The following CNTN4 variants were observed in gnomAD, a reference collection of about 807,000 sequenced individuals.
CNTN4 encodes the protein contactin 4.
Under a neutral mutation model 122.5 loss-of-function variants are expected in CNTN4, and 77 were observed. That is an observed-to-expected ratio of 0.63 (90% CI 0.52 to 0.76). The LOEUF is 0.76. Ranked by LOEUF, CNTN4 falls within the 30% of genes least tolerant of loss-of-function variation. The probability of loss-of-function intolerance (pLI) is 0.00; values close to 1 mark genes in which losing one functional copy is unlikely to be tolerated. For synonymous variants in CNTN4, 512 were observed against 447.0 expected (o/e 1.15, Z -1.83); for missense variants, 1,256 against 1,259.1 (o/e 1.00, Z 0.04).
intron 2 of CNTN4, among the ~76,000 whole-genome samples, chr3:2,330,796 T>C (rs920978544): frequency 1.3e-5 from 2 of 152,184 alleles, no homozygotes; most frequent in Non-Finnish European, 2.9e-5. Flanking sequence ...ATAGCTGTTT[T>C]CTGTGACCTG....
Position 2,652,623 on chromosome 3 carries a change from A to G in CNTN4, c.55+81065A>G, listed in dbSNP as rs941327751. ...TGTTTCTAGGCACACAGGAATAACA[A>G]AGAAAACTCAGCAGGGGCCCAGAGC... On this transcript the variant is annotated intron_variant, in intron 4 of 24. Coordinates refer to ENST00000418658, the MANE Select transcript of CNTN4 (RefSeq NM_175607.3). Among the ~76,000 whole-genome samples, 4 of 152,100 alleles carry G rather than the reference A, an allele frequency of 2.6e-5. No individual in the cohort carries two copies. In the South Asian group the frequency reaches 8.3e-4, roughly 32 times the overall value.
chr3:2,512,409 A>T (rs1262688350), intron 3 of CNTN4, among the ~76,000 whole-genome samples: 8 of 152,204 alleles, frequency 5.3e-5, no homozygotes, highest in African/African-American at 1.9e-4. Context: ...CTTTTTATGT[A>T]TCCTCAAATG....
chr3:2,766,038 C>T (rs112833062), intron 6 of CNTN4, among the ~76,000 whole-genome samples: 42 of 152,232 alleles, frequency 2.8e-4, no homozygotes, highest in African/African-American at 9.9e-4. Context: ...TTTATGATGG[C>T]CCTTGAGAAG....
intron 3 of CNTN4, among the ~76,000 whole-genome samples, chr3:2,537,115 A>G (rs1384296399): frequency 1.3e-5 from 2 of 152,016 alleles, no homozygotes; most frequent in Non-Finnish European, 2.9e-5. Flanking sequence ...TTTTGGGGGG[A>G]ATATTGTGTT....
chr3:2,170,726 A>G (rs2036465717), intron 2 of CNTN4, among the ~76,000 whole-genome samples: 1 of 152,196 alleles, frequency 6.6e-6, no homozygotes, highest in South Asian at 2.1e-4. Context: ...AGACTTTACT[A>G]GATATAAATA....
chr3:2,604,403 G>T (rs2149773210), intron 4 of CNTN4, among the ~76,000 whole-genome samples: 1 of 152,220 alleles, frequency 6.6e-6, no homozygotes, highest in Non-Finnish European at 1.5e-5. Flanking sequence ...GCTAGGCTTT[G>T]GAGACGTTGC....
intron 2 of CNTN4, among the ~76,000 whole-genome samples, chr3:2,169,859 CAGAATT>C (rs776676704): frequency 1.3e-5 from 2 of 151,952 alleles, no homozygotes; most frequent in Non-Finnish European, 2.9e-5. Flanking sequence ...AAAATGAAAA[CAGAATT>C]AAGAATAAAT....
At chr3:2,704,102 G>A (rs1007336350) in intron 4 of CNTN4, among the ~76,000 whole-genome samples, 10 of 151,768 alleles carry the variant, frequency 6.6e-5, no homozygotes, top group Admixed American at 5.9e-4. Flanking sequence ...TTCAAGATCA[G>A]CCTGGGCAGC....
chr3:2,810,238 C>G (rs961163260), intron 6 of CNTN4, among the ~76,000 whole-genome samples: 1 of 152,066 alleles, frequency 6.6e-6, no homozygotes, highest in Non-Finnish European at 1.5e-5. Context: ...GTGGTGAAGA[C>G]CGAATGAATA....
At chr3:2,912,902 A>C (rs995253385) in intron 12 of CNTN4, among the ~76,000 whole-genome samples, 5 of 152,250 alleles carry the variant, frequency 3.3e-5, no homozygotes, top group Non-Finnish European at 7.3e-5. Context: ...CCGTAATCCC[A>C]GCACTTTGGG....
At chr3:2,704,421 T>A (rs1376956737) in intron 4 of CNTN4, among the ~76,000 whole-genome samples, 1 of 151,658 alleles carries the variant, frequency 6.6e-6, no homozygotes, top group Non-Finnish European at 1.5e-5. Context: ...AAGTACGATA[T>A]GGCTCTAAAA....
chr3:3,039,327 T>G (rs1699933842), intron 19 of CNTN4: 4 of 266,654 alleles, frequency 1.5e-5, no homozygotes, highest in Admixed American at 9.1e-5. Flanking sequence ...CATGGCCAAT[T>G]GATTTAAAAC....
chr3:2,619,330 G>T (rs1346299250), intron 4 of CNTN4, among the ~76,000 whole-genome samples: 2 of 152,186 alleles, frequency 1.3e-5, no homozygotes, highest in Non-Finnish European at 2.9e-5. Flanking sequence ...ACACCAGGCT[G>T]GTGCTGCTTC....
At chr3:2,486,924 T>C (rs1232540669) in intron 3 of CNTN4, among the ~76,000 whole-genome samples, 1 of 152,204 alleles carries the variant, frequency 6.6e-6, no homozygotes, top group Non-Finnish European at 1.5e-5. Context: ...ACAACATATT[T>C]ATGTTATCTT....
chr3:2,641,311 G>A (rs918206867), intron 4 of CNTN4, among the ~76,000 whole-genome samples: 8 of 151,980 alleles, frequency 5.3e-5, no homozygotes, highest in Admixed American at 1.3e-4. Context: ...GAAATGATTG[G>A]TGTACATTCT....
chr3:2,900,668 T>A lies in CNTN4; in HGVS notation c.941-17T>A. On this transcript the variant is annotated splice_polypyrimidine_tract_variant and intron_variant, in intron 10 of 24. Transcript: ENST00000418658. ...ACACTGAATATACACCTTTCTTTGC[T>A]TTTTGGATGCCTATAGCTCAACCTA... is the stretch of plus-strand genomic sequence containing the variant. 2 of 1,612,920 alleles carry A rather than the reference T, an allele frequency of 1.2e-6. No individual in the cohort carries two copies. The highest frequency in any genetic ancestry group is 1.7e-6 in the Non-Finnish European group (2 of 1,179,002).
intron 2 of CNTN4, among the ~76,000 whole-genome samples, chr3:2,236,546 C>G (rs1056367897): frequency 8.5e-5 from 13 of 152,126 alleles, no homozygotes; most frequent in Admixed American, 7.2e-4. Context: ...TTTTAGTCTT[C>G]AGGAAGCAGT....
At chr3:2,662,220 C>T (rs566329044) in intron 4 of CNTN4, among the ~76,000 whole-genome samples, 18 of 152,260 alleles carry the variant, frequency 1.2e-4, no homozygotes, top group Middle Eastern at 3.4e-3. Flanking sequence ...AGATATTTCC[C>T]ATCACCTTGC....
intron 3 of CNTN4, among the ~76,000 whole-genome samples, chr3:2,387,536 G>A (rs932152444): frequency 5.9e-5 from 9 of 151,878 alleles, no homozygotes; most frequent in African/African-American, 2.2e-4. Context: ...TAAGAAATTT[G>A]TTTATATTAC....
Sources: allele counts gnomAD v4.1 joint callset (sites outside exome capture counted in the v4.1 genomes callset), GRCh38; gene constraint gnomAD v4.1.1; transcripts MANE v1.5; gene names NCBI Gene and HGNC (gene_info 2026-07-23, HGNC 2026-07-21).